The following NCAM2 variants were observed in gnomAD, a reference collection of about 807,000 sequenced individuals.
The protein encoded by NCAM2 is neural cell adhesion molecule 2, also known as N-CAM-2.
Under a neutral mutation model 98.1 loss-of-function variants are expected in NCAM2, and 30 were observed. That is an observed-to-expected ratio of 0.31 (90% CI 0.23 to 0.41). The LOEUF (loss-of-function observed/expected upper bound fraction) is 0.41. Among genes scored for constraint, NCAM2 ranks in the 10% least tolerant of loss-of-function variants. The probability of loss-of-function intolerance (pLI) is 1.00; values close to 1 mark genes in which losing one functional copy is unlikely to be tolerated. For synonymous variants in NCAM2, 368 were observed against 342.4 expected (o/e 1.07, Z -0.83); for missense variants, 867 against 1,005.8 (o/e 0.86, Z 1.87).
intron 6 of NCAM2, among the ~76,000 whole-genome samples, chr21:21,330,003 A>C (rs532971368): frequency 6.6e-6 from 1 of 151,966 alleles, no homozygotes; most frequent in East Asian, 1.9e-4. Context: ...CCCCTCTCTC[A>C]TCTTGATAAC....
chr21:21,531,336 A>G (rs1008234834), intron 16 of NCAM2, among the ~76,000 whole-genome samples: 2 of 152,178 alleles, frequency 1.3e-5, no homozygotes, highest in African/African-American at 4.8e-5. Flanking sequence ...TCAGTAATAT[A>G]TTTCCAAATG....
chr21:21,486,145 A>T (rs572384408), intron 15 of NCAM2, among the ~76,000 whole-genome samples: 1 of 151,996 alleles, frequency 6.6e-6, no homozygotes, highest in South Asian at 2.1e-4. Flanking sequence ...CTACTAAAAA[A>T]TGCAAAAAAT....
intron 5 of NCAM2, among the ~76,000 whole-genome samples, chr21:21,315,017 A>G (rs1293825730): frequency 6.6e-6 from 1 of 152,172 alleles, no homozygotes; most frequent in African/African-American, 2.4e-5. Context: ...GACTTTGAAT[A>G]TTACATAATC....
intron 1 of NCAM2, among the ~76,000 whole-genome samples, chr21:21,180,123 G>C (rs2146902983): frequency 6.6e-6 from 1 of 152,176 alleles, no homozygotes; most frequent in South Asian, 2.1e-4. Flanking sequence ...CTTCCTCACA[G>C]ACTGATGGCT....
chr21:21,043,917 T>C (rs2064958494), intron 1 of NCAM2, among the ~76,000 whole-genome samples: 1 of 151,170 alleles, frequency 6.6e-6, no homozygotes, highest in Non-Finnish European at 1.5e-5. Context: ...ATTAAAATAA[T>C]TTAAAAATGT....
At chr21:21,081,810 GA>G (rs998707986) in intron 1 of NCAM2, among the ~76,000 whole-genome samples, 63 of 145,452 alleles carry the variant, frequency 4.3e-4, no homozygotes, top group Non-Finnish European at 8.0e-4. Context: ...CAAAGAAAAA[GA>G]AAAAAAAAGA....
rs577117667 is a variant in NCAM2, at chr21:21,265,914, T to C, written c.56-14664T>C. 4.0e-4 allele frequency among the ~76,000 whole-genome samples: 61 copies of C among 152,188 alleles called. No homozygotes were observed. The South Asian group carries it at 0.012, about 30-fold the overall frequency. Reference sequence around the variant, plus strand: ...CCCCTGAATCTATAATAAAAAATTATAGTATAAAAGATTGTTTTATTATTC... The same window carrying C: ...CCCCTGAATCTATAATAAAAAATTACAGTATAAAAGATTGTTTTATTATTC... On this transcript the variant is annotated intron_variant, in intron 1 of 17. Coordinates refer to ENST00000400546, the MANE Select transcript of NCAM2 (RefSeq NM_004540.5).
chr21:21,537,207 C>T (rs968507404), intron 17 of NCAM2, among the ~76,000 whole-genome samples: 2 of 151,918 alleles, frequency 1.3e-5, no homozygotes, highest in Non-Finnish European at 2.9e-5. Flanking sequence ...AAGTGATTTC[C>T]GTCTAATTTT....
intron 1 of NCAM2, among the ~76,000 whole-genome samples, chr21:21,020,529 A>G (rs55705293): frequency 0.63 from 95,195 of 152,100 alleles, 30,087 homozygotes; most frequent in East Asian, 0.81. Flanking sequence ...CTGTACTAGC[A>G]GCATTTCACA....
chr21:21,246,086 A>G (rs184108125), intron 1 of NCAM2, among the ~76,000 whole-genome samples: 1 of 152,312 alleles, frequency 6.6e-6, no homozygotes, highest in Admixed American at 6.5e-5. Context: ...CTAGTGATAA[A>G]AGGTACTGAG....
intron 5 of NCAM2, among the ~76,000 whole-genome samples, chr21:21,297,848 T>G (rs2073548327): frequency 6.6e-6 from 1 of 151,874 alleles, no homozygotes; most frequent in Admixed American, 6.6e-5. Flanking sequence ...GATTTATTAT[T>G]TTATGAATAT....
At chr21:21,240,805 C>A (rs2071035957) in intron 1 of NCAM2, among the ~76,000 whole-genome samples, 1 of 152,172 alleles carries the variant, frequency 6.6e-6, no homozygotes, top group South Asian at 2.1e-4. Flanking sequence ...AATTTACTTA[C>A]CTTCTGTGTT....
chr21:21,428,352 C>T (rs185210064), intron 11 of NCAM2, among the ~76,000 whole-genome samples: 355 of 152,218 alleles, frequency 2.3e-3, no homozygotes, highest in African/African-American at 8.2e-3. Flanking sequence ...TAGAGTAGAC[C>T]AGTATCTTTG....
intron 1 of NCAM2, among the ~76,000 whole-genome samples, chr21:21,205,386 C>A (rs967077368): frequency 5.9e-5 from 9 of 152,094 alleles, no homozygotes; most frequent in African/African-American, 2.2e-4. Context: ...GAATCAGAAT[C>A]TGATGGAGTG....
chr21:21,261,087 AC>A (rs2071880806), intron 1 of NCAM2, among the ~76,000 whole-genome samples: 2 of 152,010 alleles, frequency 1.3e-5, no homozygotes, highest in Non-Finnish European at 2.9e-5. Flanking sequence ...TTTTAAACCA[AC>A]AACAGTAGAA....
chr21:21,058,767 G>A (rs901566489), intron 1 of NCAM2, among the ~76,000 whole-genome samples: 1 of 151,398 alleles, frequency 6.6e-6, no homozygotes, highest in East Asian at 1.9e-4. Flanking sequence ...GAAAAACGAA[G>A]AAAAAGAAGA....
intron 9 of NCAM2, 53 bp from the exon 10 acceptor site, chr21:21,410,221 A>G: frequency 1.0e-6 from 1 of 991,654 alleles, no homozygotes; most frequent in Non-Finnish European, 1.4e-6. Flanking sequence ...TACTTAAATG[A>G]TTATTTAACT....
intron 16 of NCAM2, among the ~76,000 whole-genome samples, chr21:21,519,803 T>G (rs915432854): frequency 5.9e-5 from 9 of 152,160 alleles, no homozygotes; most frequent in Non-Finnish European, 1.3e-4. Context: ...CTGATTTGAC[T>G]GTTCGGATTT....
At chr21:21,432,896 C>T (rs1316388106) in intron 12 of NCAM2, among the ~76,000 whole-genome samples, 2 of 152,094 alleles carry the variant, frequency 1.3e-5, no homozygotes, top group Non-Finnish European at 2.9e-5. Context: ...CCAGCGTTGG[C>T]CTCTGTTGTT....
Sources: allele counts gnomAD v4.1 joint callset (sites outside exome capture counted in the v4.1 genomes callset), GRCh38; gene constraint gnomAD v4.1.1; transcripts MANE v1.5; gene names NCBI Gene and HGNC (gene_info 2026-07-23, HGNC 2026-07-21).